The following EYS variants were observed in gnomAD, a reference collection of about 807,000 sequenced individuals.
EYS encodes the protein protein eyes shut homolog.
Under a neutral mutation model 282.1 loss-of-function variants are expected in EYS, and 250 were observed. The observed-to-expected ratio is 0.89, with a 90% CI of 0.80 to 0.98. EYS has a LOEUF of 0.98. Ranked by LOEUF, EYS falls within the 50% of genes least tolerant of loss-of-function variation. The pLI is 0.00. For missense variants in EYS, 4,016 were observed against 3,709.0 expected (o/e 1.08, Z -2.15); for synonymous variants, 1,355 against 1,282.9 (o/e 1.06, Z -1.20).
At chr6:64,761,723 G>A (rs768925752) in intron 22 of EYS, among the ~76,000 whole-genome samples, 1 of 152,142 alleles carries the variant, frequency 6.6e-6, no homozygotes, top group African/African-American at 2.4e-5. Context: ...CCAAAGTGCT[G>A]GGATTACAGG....
chr6:64,012,115 T>C (rs1221044951), intron 33 of EYS, among the ~76,000 whole-genome samples: 1 of 152,008 alleles, frequency 6.6e-6, no homozygotes, highest in African/African-American at 2.4e-5. Context: ...TGCAAAAATG[T>C]CTATCTTCCA....
chr6:64,341,685 T>A (rs542809648), intron 29 of EYS, among the ~76,000 whole-genome samples: 9 of 151,644 alleles, frequency 5.9e-5, no homozygotes, highest in African/African-American at 1.7e-4. Flanking sequence ...TGAAATTTTT[T>A]AAAAAATGAC....
intron 35 of EYS, among the ~76,000 whole-genome samples, chr6:63,936,003 C>T (rs1385814679): frequency 6.6e-6 from 1 of 152,216 alleles, no homozygotes; most frequent in Non-Finnish European, 1.5e-5. Context: ...AAATTCTAAC[C>T]ATCTCCAAAG....
intron 6 of EYS, 81 bp from the exon 7 acceptor site, chr6:65,402,686 G>A (rs1766564799): frequency 2.2e-6 from 2 of 918,596 alleles, no homozygotes. Context: ...CTGGAGAAGG[G>A]TTAAAATTAT....
At chr6:64,378,170 GACA>G (rs1772627548) in intron 29 of EYS, among the ~76,000 whole-genome samples, 2 of 15,208 alleles carry the variant, frequency 1.3e-4, no homozygotes, top group African/African-American at 5.0e-4. Context: ...ATGGTTAACA[GACA>G]ACATCAGTGA....
chr6:64,410,338 G>C (rs1773846793), intron 28 of EYS, among the ~76,000 whole-genome samples: 1 of 152,096 alleles, frequency 6.6e-6, no homozygotes, highest in African/African-American at 2.4e-5. Flanking sequence ...ATCTGAGACT[G>C]AATATGATTT....
chr6:63,798,985 GTGTATATATATATATATATATATA>G (rs1453879675), intron 37 of EYS, among the ~76,000 whole-genome samples: 5 of 87,570 alleles, frequency 5.7e-5, no homozygotes, highest in East Asian at 3.2e-4. Flanking sequence ...ATGTATATGT[GTGTATATATATATATATATATATA>G]TATATATATA....
At position 63,721,353 on chromosome 6, in the gene EYS, T is replaced by C. The variant is rs750497653; in HGVS notation, c.8678A>G (p.Asn2893Ser). The part of the protein sequence containing the change: ...TCRNGGECTV[N>S]GTTFSCRCLP... ...ACATCTGCAAGAAAAAGTTGTGCCA[T>C]TTACTGTACATTCACCTCCATTTCT... Residue 2893 changes from asparagine to serine, a missense_variant, in exon 43 of 43, where the codon AAT (asparagine) becomes AGT (serine). By Grantham distance (46) the Asn-to-Ser change is conservative (BLOSUM62 1). Transcript: ENST00000503581. The C allele has an allele frequency of 7.7e-6, 12 of 1,551,816 alleles. No homozygotes were observed. The highest frequency in any genetic ancestry group is 2.7e-5 in the African/African-American group (2 of 73,040).
At chr6:65,701,271 C>T (rs1368527130) in intron 1 of EYS, among the ~76,000 whole-genome samples, 4 of 151,986 alleles carry the variant, frequency 2.6e-5, no homozygotes, top group East Asian at 1.9e-4. Context: ...TAAAATAACA[C>T]GAATGTCTAT....
intron 10 of EYS, among the ~76,000 whole-genome samples, chr6:65,343,702 T>C (rs1328174017): frequency 3.3e-5 from 5 of 151,286 alleles, no homozygotes; most frequent in African/African-American, 1.2e-4. Flanking sequence ...ACAAATGCAT[T>C]TCATTATGAT....
At chr6:65,478,310 G>T (rs2127251985) in intron 5 of EYS, among the ~76,000 whole-genome samples, 1 of 152,184 alleles carries the variant, frequency 6.6e-6, no homozygotes, top group Non-Finnish European at 1.5e-5. Flanking sequence ...GCTTATAAAA[G>T]TAGATAGACA....
intron 7 of EYS, among the ~76,000 whole-genome samples, chr6:65,394,905 G>A (rs1766217227): frequency 6.6e-6 from 1 of 152,066 alleles, no homozygotes; most frequent in Admixed American, 6.6e-5. Flanking sequence ...TTCCTTAAAA[G>A]CTTTACTTAT....
At chr6:63,954,766 C>T (rs1439432393) in intron 35 of EYS, among the ~76,000 whole-genome samples, 1 of 152,202 alleles carries the variant, frequency 6.6e-6, no homozygotes, top group Non-Finnish European at 1.5e-5. Flanking sequence ...GCAAATGGTT[C>T]TTGGACCAAG....
chr6:65,136,729 A>G (rs1468874867), intron 12 of EYS, among the ~76,000 whole-genome samples: 4 of 152,112 alleles, frequency 2.6e-5, no homozygotes, highest in Non-Finnish European at 4.4e-5. Context: ...ACTATCAACC[A>G]GGCTGGAGTG....
intron 19 of EYS, among the ~76,000 whole-genome samples, chr6:64,826,191 C>T (rs578001762): frequency 9.2e-4 from 140 of 151,760 alleles, no homozygotes; most frequent in Non-Finnish European, 1.6e-3. Flanking sequence ...TGCATCACTG[C>T]CACCTCAATC....
intron 19 of EYS, among the ~76,000 whole-genome samples, chr6:64,825,901 G>GCA (rs1050225382): frequency 4.2e-5 from 6 of 143,450 alleles, no homozygotes; most frequent in African/African-American, 8.1e-5. Context: ...TTCATAAAGT[G>GCA]CACATATATA....
At chr6:64,742,008 G>C (rs142550929) in intron 22 of EYS, among the ~76,000 whole-genome samples, 20 of 152,114 alleles carry the variant, frequency 1.3e-4, no homozygotes, top group Admixed American at 5.9e-4. Context: ...TCAAAACCTG[G>C]CTATTTGGTG....
intron 41 of EYS, among the ~76,000 whole-genome samples, chr6:63,733,940 T>G (rs1035117953): frequency 2.6e-4 from 40 of 152,056 alleles, no homozygotes; most frequent in African/African-American, 9.7e-4. Flanking sequence ...CACAAACATA[T>G]TTGAAAAGAT....
chr6:65,057,698 A>G lies in EYS; in HGVS notation c.2053T>C (p.Cys685Arg), dbSNP rs1421935179. The change falls in exon 13 of 43, where the codon TGT becomes CGT. Residue 685 changes from cysteine (C) to arginine (R), a missense_variant. Transcript: ENST00000503581. ...CCATTTTTGCAGGGATGTGAAGCACACTCATCTATATCAATTTCACATTGC... is the reference window on the plus strand; with the variant it reads ...CCATTTTTGCAGGGATGTGAAGCACGCTCATCTATATCAATTTCACATTGC... ...GTQCEIDIDE[C>R]ASHPCKNGAT... 5.2e-6 allele frequency: 8 copies of G among 1,550,724 alleles called. No homozygotes were observed. Among genetic ancestry groups the G allele is most frequent in the Admixed American group, 2.0e-5 (1 of 50,966 alleles).
Sources: allele counts gnomAD v4.1 joint callset (sites outside exome capture counted in the v4.1 genomes callset), GRCh38; gene constraint gnomAD v4.1.1; transcripts MANE v1.5; gene names NCBI Gene and HGNC (gene_info 2026-07-23, HGNC 2026-07-21).